Variants in CCNI2 observed in about 807,000 individuals in gnomAD.
CCNI2 encodes cyclin I family member 2.
In CCNI2, 32 loss-of-function variants were observed where a neutral mutation model predicts 33.2. The observed-to-expected ratio is 0.96, with a 90% CI of 0.73 to 1.30. The LOEUF is 1.30. Among genes scored for constraint, CCNI2 ranks in the 50% most tolerant of loss-of-function variants. CCNI2 has a pLI of 0.00. For synonymous variants in CCNI2, 231 were observed against 219.9 expected (o/e 1.05, Z -0.45); for missense variants, 452 against 486.2 (o/e 0.93, Z 0.66).
At chr5:132,751,675 G>T (rs756086309) in intron 4 of CCNI2, 17 of 517,700 alleles carry the variant, frequency 3.3e-5, no homozygotes, top group African/African-American at 5.8e-5. Flanking sequence ...GTCTTGAATA[G>T]TATGTTTCTA....
At position 132,751,952 on chromosome 5, in the gene CCNI2, A is replaced by G; in HGVS notation, c.775-14A>G. ...GGCGTTTTCTGTTCTAACATTAAAA[A>G]CCATGGTCTCCAGTTCCATGCCCTG... On this transcript the variant is annotated splice_polypyrimidine_tract_variant and intron_variant, in intron 4 of 5. Transcript: ENST00000378731. 1 of 1,598,618 alleles carries G rather than the reference A, an allele frequency of 6.3e-7. No homozygotes were observed. The highest frequency in any genetic ancestry group is 8.5e-7 in the Non-Finnish European group (1 of 1,172,106).
intron 4 of CCNI2, chr5:132,751,206 CATTAA>C (rs1447922549): frequency 4.2e-6 from 2 of 475,424 alleles, no homozygotes; most frequent in Non-Finnish European, 7.2e-6. Context: ...TTCTAAAGGA[CATTAA>C]ATTAACTTTA....
downstream of CCNI2, among the ~76,000 whole-genome samples, chr5:132,754,676 C>T (rs1487691395): frequency 6.6e-6 from 1 of 152,184 alleles, no homozygotes; most frequent in East Asian, 1.9e-4. Flanking sequence ...ATCTTATGTG[C>T]TTTTCAAGCT....
chr5:132,751,187 G>T lies in CCNI2; in HGVS notation c.774+190G>T, dbSNP rs550409609. On this transcript the variant is annotated intron_variant, in intron 4 of 5. Coordinates refer to ENST00000378731, the MANE Select transcript of CCNI2 (RefSeq NM_001039780.4). ...TCTTAAATCCAACACAGTTCCACCA[G>T]ACTCCCACTTCTAAAGGACATTAAA... The T allele has an allele frequency of 2.1e-5, 11 of 518,754 alleles. No homozygotes were observed. The South Asian group carries it at 3.6e-4, about 17-fold the overall frequency. 32.1% of individuals were successfully genotyped at this position (518,754 alleles called of 1,614,324 possible).
chr5:132,748,380 C>T lies in CCNI2; in HGVS notation c.463C>T (p.Leu155=), dbSNP rs1247738655. Residue 155 remains leucine (L), a synonymous_variant, in exon 2 of 6, where the codon CTG becomes TTG. Transcript: ENST00000378731. ...CTGCGACGCCTTCGAGGAAGTCGTG[C>T]TGTGGCTCCTGCGGCTTCAGAACAC... ...EICDAFEEVV[L]WLLRLQNTFY... is the part of the protein sequence containing the mutation. 1 of 1,614,192 alleles carries T rather than the reference C, an allele frequency of 6.2e-7. No individual in the cohort carries two copies.
chr5:132,752,236 G>T (rs1454824064), intron 5 of CCNI2, 40 bp downstream of exon 5: 1 of 1,531,266 alleles, frequency 6.5e-7, no homozygotes, highest in African/African-American at 1.4e-5. Flanking sequence ...TCTGTGTTTT[G>T]CCCCTTTAGC....
rs140882152 is a variant in CCNI2, at chr5:132,749,423, G to A, written c.633+1G>A. On this transcript the variant is annotated splice_donor_variant, in intron 3 of 5. Coordinates refer to ENST00000378731, the MANE Select transcript of CCNI2 (RefSeq NM_001039780.4). LOFTEE classifies it high-confidence loss of function. ...TGCAAAAGTTAATGAAGAAGAGGAG[G>A]TATGCATCCTTGGAAGTCCACACTG... 56 of 1,613,574 alleles carry A rather than the reference G, an allele frequency of 3.5e-5. No homozygotes were observed. The South Asian group carries it at 6.0e-4, about 17-fold the overall frequency.
chr5:132,748,125 G>A (rs1329151839), intron 1 of CCNI2, among the ~76,000 whole-genome samples: 3 of 152,194 alleles, frequency 2.0e-5, no homozygotes, highest in Non-Finnish European at 2.9e-5. Flanking sequence ...AAGAGGGCCT[G>A]TTTGAATCAA....
At chr5:132,749,478 T>C (rs987540406) in intron 3 of CCNI2, 56 bp downstream of exon 3, 30 of 1,406,604 alleles carry the variant, frequency 2.1e-5, no homozygotes, top group South Asian at 3.5e-5. Context: ...GGGTGTAACA[T>C]TGGAGGACTC....
chr5:132,751,123 A>T (rs1754810490), intron 4 of CCNI2, 126 bp downstream of exon 4: 1 of 1,070,996 alleles, frequency 9.3e-7, no homozygotes, highest in Non-Finnish European at 1.4e-6. Context: ...CAGTGAGGTG[A>T]CGCACAAGGC....
downstream of CCNI2, chr5:132,754,405 G>A (rs1439551385): frequency 1.4e-5 from 10 of 717,260 alleles, no homozygotes; most frequent in Non-Finnish European, 1.8e-5. Flanking sequence ...ACATCCTGAG[G>A]GCCCATACCA....
chr5:132,751,314 TA>T (rs1754825042), intron 4 of CCNI2: 1 of 252,720 alleles, frequency 4.0e-6, no homozygotes, highest in Non-Finnish European at 7.5e-6. Context: ...ATACTGTACA[TA>T]AATATCTGTC....
chr5:132,753,166 G>A lies in CCNI2; in HGVS notation c.*196G>A, dbSNP rs1755011027. The A allele has an allele frequency of 1.7e-6, 1 of 598,720 alleles. No homozygotes were observed. Among genetic ancestry groups the A allele is most frequent in the African/African-American group, 1.9e-5 (1 of 53,908 alleles). 37.1% of individuals were successfully genotyped at this position (598,720 alleles called of 1,614,324 possible). On this transcript the variant is annotated 3_prime_UTR_variant, in exon 6 of 6. Coordinates refer to ENST00000378731, the MANE Select transcript of CCNI2 (RefSeq NM_001039780.4). The stretch of plus-strand genomic sequence containing the variant: ...GGGGAAAGGCAGGCTGAGGTCAGTA[G>A]AGGTCAGGGTGGTCTGATAGACTAT...
Position 132,747,736 on chromosome 5 carries a change from G to T in CCNI2, c.241G>T (p.Gly81Cys). The change falls in exon 1 of 6, where the codon GGT becomes TGT. Residue 81 changes from glycine (G) to cysteine (C), a missense_variant. Transcript: ENST00000378731. This position sits in a 1 kb window ranked among gnomAD's most constrained non-coding sequence, Gnocchi z 4.1. The stretch of plus-strand genomic sequence containing the variant: ...AGCAGTCCCCGTGCGGCCCCGGCGC[G>T]GTACGGCGCCAGCCGGGAAAACCGC... ...SAAVPVRPRR[G>C]TAPAGKTADA... 1 of 1,472,566 alleles carries T rather than the reference G, an allele frequency of 6.8e-7. No homozygotes were observed. Among genetic ancestry groups the T allele is most frequent in the South Asian group, 1.3e-5 (1 of 76,608 alleles). The allele number at this position is 1,472,566 out of a possible 1,614,324, so 91.2% of individuals were successfully genotyped here. A position where few individuals can be genotyped will look rare whatever the true frequency, so the allele number is the denominator to read the frequency against.
chr5:132,751,180 TC>T, intron 4 of CCNI2, 183 bp downstream of exon 4: 1 of 535,754 alleles, frequency 1.9e-6, no homozygotes, highest in Non-Finnish European at 3.1e-6. Flanking sequence ...CCAACACAGT[TC>T]CACCAGACTC....
At position 132,752,885 on chromosome 5, in the gene CCNI2, G is replaced by A. The variant is rs113053342; in HGVS notation, c.1025G>A (p.Ser342Asn). 101 of 1,613,900 alleles carry A rather than the reference G, an allele frequency of 6.3e-5. No homozygotes were observed. The African/African-American group carries it at 1.2e-3, about 19-fold the overall frequency. Residue 342 changes from serine (S) to asparagine (N), a missense_variant, in exon 6 of 6, where the codon AGC becomes AAC. By Grantham distance (46) the Ser-to-Asn change is conservative (BLOSUM62 1). Coordinates refer to ENST00000378731, the MANE Select transcript of CCNI2 (RefSeq NM_001039780.4). ...KKAQVGDMQY[S>N]CCKELVMQQL... ...ATACAGGTTGGTGATATGCAGTACA[G>A]CTGCTGCAAGGAACTTGTAATGCAG...
downstream of CCNI2, among the ~76,000 whole-genome samples, chr5:132,755,628 C>T (rs974782173): frequency 6.6e-5 from 10 of 152,114 alleles, no homozygotes; most frequent in African/African-American, 2.2e-4. Context: ...AATATGGTTC[C>T]GAGCAGTCCT....
chr5:132,747,609 T>C lies in CCNI2; in HGVS notation c.114T>C (p.Pro38=). The change falls in exon 1 of 6, where the codon CCT becomes CCC. Residue 38 remains proline (P), a synonymous_variant. Coordinates refer to ENST00000378731, the MANE Select transcript of CCNI2 (RefSeq NM_001039780.4). The surrounding 1 kb of genome is among the most constrained non-coding windows in gnomAD (Gnocchi z 4.1). ...TGGAGGAAACAGCCCTGGGCGTTCC[T>C]CTCCCGCCGTCTCCGGGGGAGGCCC... The part of the protein sequence containing the change: ...AGLEETALGV[P]LPPSPGEAPL... The C allele has an allele frequency of 6.7e-7, 1 of 1,499,060 alleles. No homozygotes were observed. The highest frequency in any genetic ancestry group is 2.1e-5 in the Admixed American group (1 of 46,778). 92.9% of individuals were successfully genotyped at this position (1,499,060 alleles called of 1,614,324 possible). A position where few individuals can be genotyped will look rare whatever the true frequency, so the allele number is the denominator to read the frequency against.
chr5:132,747,724 C>T lies in CCNI2; in HGVS notation c.229C>T (p.Arg77Trp). The T allele has an allele frequency of 2.0e-6, 3 of 1,482,280 alleles. No individual in the cohort carries two copies. The highest frequency in any genetic ancestry group is 2.9e-5 in the East Asian group (1 of 34,926). 91.8% of individuals were successfully genotyped at this position (1,482,280 alleles called of 1,614,324 possible). A position where few individuals can be genotyped will look rare whatever the true frequency, so the allele number is the denominator to read the frequency against. ...CGCGGCGTCCGCAGCAGTCCCCGTG[C>T]GGCCCCGGCGCGGTACGGCGCCAGC... ...LHAASAAVPV[R>W]PRRGTAPAGK... is the part of the protein sequence containing the mutation. Residue 77 changes from arginine (R) to tryptophan (W), a missense_variant, in exon 1 of 6, where the codon CGG becomes TGG. By Grantham distance (101) the Arg-to-Trp change is moderately radical. Transcript: ENST00000378731. The surrounding 1 kb of genome is among the most constrained non-coding windows in gnomAD (Gnocchi z 4.1).
Sources: gnomAD v4.1 joint callset for allele counts (sites outside exome capture counted in the v4.1 genomes callset) on GRCh38, gnomAD v4.1.1 for gene constraint, Gnocchi (gnomAD v3.1) non-coding constraint, MANE v1.5 for transcripts, NCBI Gene and HGNC (gene_info 2026-07-23, HGNC 2026-07-21) for gene names.